EDAR: variants seen among roughly 807,000 people sequenced by gnomAD.
EDAR encodes ectodysplasin A receptor, also known as tumor necrosis factor receptor superfamily member EDAR.
A neutral mutation model predicts 51.3 loss-of-function variants in EDAR; 38 were observed. That is an observed-to-expected ratio of 0.74 (90% CI 0.57 to 0.97). The LOEUF is 0.97. Ranked by LOEUF, EDAR falls within the 50% of genes least tolerant of loss-of-function variation. EDAR has a pLI of 0.00. For synonymous variants in EDAR, 227 were observed against 242.1 expected (o/e 0.94, Z 0.58); for missense variants, 528 against 595.0 (o/e 0.89, Z 1.17).
At chr2:108,948,209 G>A (rs1246642007) in intron 1 of EDAR, among the ~76,000 whole-genome samples, 2 of 152,148 alleles carry the variant, frequency 1.3e-5, no homozygotes, top group African/African-American at 4.8e-5. Flanking sequence ...TTCCCAATAA[G>A]TCCCTCATCT....
chr2:108,956,528 C>T (rs1697928688), intron 1 of EDAR, among the ~76,000 whole-genome samples: 1 of 152,196 alleles, frequency 6.6e-6, no homozygotes, highest in Non-Finnish European at 1.5e-5. Flanking sequence ...CAAGAAACTA[C>T]ACATGGCATT....
intron 9 of EDAR, among the ~76,000 whole-genome samples, chr2:108,909,241 A>G (rs1342462708): frequency 6.6e-6 from 1 of 152,232 alleles, no homozygotes; most frequent in Non-Finnish European, 1.5e-5. Context: ...AAAAGCCTGA[A>G]TATCAGAAGG....
chr2:108,956,278 T>C (rs964021157), intron 1 of EDAR, among the ~76,000 whole-genome samples: 1 of 152,220 alleles, frequency 6.6e-6, no homozygotes, highest in Non-Finnish European at 1.5e-5. Flanking sequence ...TGGCTGGAGA[T>C]ACCCTTTTTA....
At chr2:108,942,523 C>T (rs1296489223) in intron 1 of EDAR, among the ~76,000 whole-genome samples, 5 of 152,230 alleles carry the variant, frequency 3.3e-5, no homozygotes, top group Non-Finnish European at 7.3e-5. Context: ...TGAACCACGG[C>T]GACGGCAGGG....
intron 1 of EDAR, among the ~76,000 whole-genome samples, chr2:108,985,266 C>T (rs576055259): frequency 3.3e-5 from 5 of 152,186 alleles, no homozygotes; most frequent in Admixed American, 3.3e-4. Context: ...CACTGCGGGC[C>T]TCAGGGCTGT....
chr2:108,920,083 C>G (rs1317478802), intron 5 of EDAR, among the ~76,000 whole-genome samples: 1 of 152,252 alleles, frequency 6.6e-6, no homozygotes, highest in Non-Finnish European at 1.5e-5. Flanking sequence ...TCATCTGAAT[C>G]TCTTTCCCCT....
intron 1 of EDAR, among the ~76,000 whole-genome samples, chr2:108,964,232 A>G (rs868579849): frequency 9.2e-5 from 14 of 152,176 alleles, no homozygotes; most frequent in African/African-American, 2.9e-4. Flanking sequence ...TTTTTTATTT[A>G]CTCCTGGGGA....
At chr2:108,926,032 A>T (rs569746055) in intron 4 of EDAR, among the ~76,000 whole-genome samples, 57 of 152,304 alleles carry the variant, frequency 3.7e-4, no homozygotes, top group Middle Eastern at 3.4e-3. Flanking sequence ...TCTAGCACGT[A>T]TTGCTGCATG....
intron 11 of EDAR, among the ~76,000 whole-genome samples, chr2:108,899,913 G>A (rs1303598651): frequency 6.6e-6 from 1 of 152,128 alleles, no homozygotes; most frequent in African/African-American, 2.4e-5. Context: ...TTGAACCTGG[G>A]AGGCGGAGGT....
rs116247681 is a variant in EDAR at position 108,963,714 on chromosome 2, C to T, written c.-19+25246G>A. Reference sequence around the variant, plus strand: ...TGAGAGCACTGCAGAATGTTGCGGCCAATTCTGGGCAATTCCCAGGCTATG... The same window carrying T: ...TGAGAGCACTGCAGAATGTTGCGGCTAATTCTGGGCAATTCCCAGGCTATG... On this transcript the variant is annotated intron_variant, in intron 1 of 11. Coordinates refer to ENST00000258443, the MANE Select transcript of EDAR (RefSeq NM_022336.4). Among the ~76,000 whole-genome samples, 1,496 of 152,324 alleles carry T rather than the reference C, an allele frequency of 9.8e-3. 19 individuals carry two copies. Among genetic ancestry groups the T allele is most frequent in the African/African-American group, 0.033 (1,371 of 41,570 alleles).
chr2:108,980,099 G>A (rs1483163958), intron 1 of EDAR, among the ~76,000 whole-genome samples: 17 of 149,832 alleles, frequency 1.1e-4, no homozygotes, highest in African/African-American at 4.2e-4. Context: ...ATGGTGTGGG[G>A]TGGGGTGGGG....
intron 10 of EDAR, 51 bp downstream of exon 10, chr2:108,907,809 T>C: frequency 6.2e-7 from 1 of 1,608,746 alleles, no homozygotes; most frequent in South Asian, 1.1e-5. Context: ...GTCTTGCGGC[T>C]GTGAGGGAGC....
At chr2:108,949,288 G>A (rs1697777645) in intron 1 of EDAR, among the ~76,000 whole-genome samples, 1 of 152,154 alleles carries the variant, frequency 6.6e-6, no homozygotes, top group Non-Finnish European at 1.5e-5. Context: ...GGCTAACATA[G>A]GCTATTTTTA....
chr2:108,958,275 G>A (rs529346556), intron 1 of EDAR, among the ~76,000 whole-genome samples: 7 of 152,112 alleles, frequency 4.6e-5, no homozygotes, highest in African/African-American at 7.2e-5. Flanking sequence ...GTTGAGACTC[G>A]CCTGTTTTCA....
intron 1 of EDAR, among the ~76,000 whole-genome samples, chr2:108,963,318 A>G (rs1481778104): frequency 6.6e-6 from 1 of 152,250 alleles, no homozygotes; most frequent in Non-Finnish European, 1.5e-5. Context: ...TGAGAAAAGA[A>G]TTCAATTTGC....
intron 8 of EDAR, 64 bp downstream of exon 8, chr2:108,910,712 G>C (rs1359313585): frequency 6.3e-7 from 1 of 1,583,310 alleles, no homozygotes; most frequent in East Asian, 2.2e-5. Flanking sequence ...GCTGCTTCTG[G>C]GAACGCCCTC....
intron 6 of EDAR, among the ~76,000 whole-genome samples, chr2:108,911,729 T>C (rs1176889663): frequency 1.3e-5 from 2 of 152,140 alleles, no homozygotes; most frequent in Non-Finnish European, 2.9e-5. Context: ...GGACTCTGAT[T>C]GTCTTGAACT....
rs532071937 is a variant in EDAR at position 108,931,720 on chromosome 2, T to G, written c.-18-688A>C. ...GCATTCCCTTGAAGGAGGAGGTGGG[T>G]TTTTTTTTCTTTTTTTTTGCTTGTT... On this transcript the variant is annotated intron_variant, in intron 1 of 11. Transcript: ENST00000258443. Among the ~76,000 whole-genome samples the G allele has an allele frequency of 1.7e-3, 247 of 145,926 alleles. 2 individuals carry two copies. The highest frequency in any genetic ancestry group is 6.5e-3 in the African/African-American group (237 of 36,348).
chr2:108,929,779 T>G (rs1697330540), intron 3 of EDAR, among the ~76,000 whole-genome samples: 1 of 152,180 alleles, frequency 6.6e-6, no homozygotes, highest in Non-Finnish European at 1.5e-5. Flanking sequence ...CGGAGGGAGA[T>G]GCAGCACTCA....
Sources: gnomAD v4.1 joint callset for allele counts (sites outside exome capture counted in the v4.1 genomes callset) on GRCh38, gnomAD v4.1.1 for gene constraint, MANE v1.5 for transcripts, NCBI Gene and HGNC (gene_info 2026-07-23, HGNC 2026-07-21) for gene names.